The following GALNT13 variants were observed in gnomAD, a reference collection of about 807,000 sequenced individuals.
GALNT13 encodes the protein polypeptide N-acetylgalactosaminyltransferase 13.
Under a neutral mutation model 64.2 loss-of-function variants are expected in GALNT13, and 28 were observed. That is an observed-to-expected ratio of 0.44 (90% CI 0.32 to 0.60). The LOEUF is 0.60. Among genes scored for constraint, GALNT13 ranks in the 20% least tolerant of loss-of-function variants. The pLI, the probability that GALNT13 is intolerant of heterozygous loss-of-function variation, is 0.05. For synonymous variants in GALNT13, 214 were observed against 224.6 expected (o/e 0.95, Z 0.42); for missense variants, 577 against 669.8 (o/e 0.86, Z 1.53).
the GALNT13 span, among the ~76,000 whole-genome samples, chr2:153,597,426 C>T: frequency 6.6e-6 from 1 of 151,822 alleles, no homozygotes; most frequent in East Asian, 1.9e-4. Context: ...CAACTGGATA[C>T]CCACATGCAA....
the GALNT13 span, among the ~76,000 whole-genome samples, chr2:153,298,163 C>T: frequency 6.6e-6 from 1 of 152,152 alleles, no homozygotes; most frequent in South Asian, 2.1e-4. Context: ...CCTATCACTA[C>T]TATTATTTCT....
intron 3 of GALNT13, among the ~76,000 whole-genome samples, chr2:154,122,162 G>C (rs1030028003): frequency 6.6e-6 from 1 of 151,810 alleles, no homozygotes; most frequent in African/African-American, 2.4e-5. Context: ...TTCAAATGTT[G>C]AATCGGCCAT....
chr2:153,202,849 G>A, the GALNT13 span, among the ~76,000 whole-genome samples: 5 of 152,018 alleles, frequency 3.3e-5, no homozygotes, highest in African/African-American at 7.2e-5. Flanking sequence ...TTAAAAATAC[G>A]TGTTATTGAG....
the GALNT13 span, among the ~76,000 whole-genome samples, chr2:153,841,309 T>C: frequency 6.6e-6 from 1 of 152,190 alleles, no homozygotes; most frequent in South Asian, 2.1e-4. Flanking sequence ...ACTGAATCTA[T>C]TCCTTTATAA....
chr2:153,360,372 G>A, the GALNT13 span, among the ~76,000 whole-genome samples: 2 of 152,206 alleles, frequency 1.3e-5, no homozygotes, highest in South Asian at 4.1e-4. Flanking sequence ...CAGCCACTCA[G>A]CTGGAATCTG....
the GALNT13 span, among the ~76,000 whole-genome samples, chr2:153,501,125 G>A: frequency 1.3e-5 from 2 of 151,670 alleles, no homozygotes; most frequent in Admixed American, 1.3e-4. Flanking sequence ...ATATATTAAA[G>A]GTTTAAAACA....
intron 4 of GALNT13, among the ~76,000 whole-genome samples, chr2:154,230,993 T>C (rs991047524): frequency 6.6e-6 from 1 of 152,126 alleles, no homozygotes; most frequent in African/African-American, 2.4e-5. Flanking sequence ...TATTGCAAGA[T>C]TGTAGTGAAA....
At chr2:154,312,024 TA>T (rs1337746595) in intron 9 of GALNT13, among the ~76,000 whole-genome samples, 1 of 152,162 alleles carries the variant, frequency 6.6e-6, no homozygotes, top group African/African-American at 2.4e-5. Context: ...TTTGTGTAGT[TA>T]ACGCAATTAT....
intron 2 of GALNT13, among the ~76,000 whole-genome samples, chr2:153,936,701 C>A (rs1378842911): frequency 6.6e-6 from 1 of 151,932 alleles, no homozygotes; most frequent in African/African-American, 2.4e-5. Context: ...ATGAGCAGAA[C>A]AGGGAAGATA....
At chr2:153,582,276 C>T in the GALNT13 span, among the ~76,000 whole-genome samples, 4 of 152,028 alleles carry the variant, frequency 2.6e-5, no homozygotes, top group Admixed American at 6.6e-5. Flanking sequence ...ATTAATGTTC[C>T]GTATTGATGA....
At chr2:153,716,971 C>T in the GALNT13 span, among the ~76,000 whole-genome samples, 6 of 152,078 alleles carry the variant, frequency 3.9e-5, no homozygotes, top group African/African-American at 1.4e-4. Flanking sequence ...TGGCTCTAAA[C>T]AATGTTAGTT....
the GALNT13 span, among the ~76,000 whole-genome samples, chr2:153,167,856 G>T: frequency 6.6e-6 from 1 of 152,198 alleles, no homozygotes. Context: ...TGGTGTCCAG[G>T]AAAGGAACAA....
the GALNT13 span, among the ~76,000 whole-genome samples, chr2:153,076,534 G>C: frequency 3.9e-5 from 6 of 152,168 alleles, no homozygotes; most frequent in East Asian, 9.7e-4. Flanking sequence ...CAGTTGATAA[G>C]TTATTCACCC....
chr2:153,478,613 A>C, the GALNT13 span: 1 of 1,444,252 alleles, frequency 6.9e-7, no homozygotes, highest in South Asian at 1.4e-5. Context: ...GAGGGGTGGG[A>C]AGGCGGCGGC....
At chr2:153,663,829 A>G in the GALNT13 span, among the ~76,000 whole-genome samples, 2 of 152,180 alleles carry the variant, frequency 1.3e-5, no homozygotes. Flanking sequence ...CTTTCTGAAA[A>G]GAAAGTGTCA....
chr2:154,423,059 C>T lies in GALNT13; in HGVS notation c.1395+13977C>T, dbSNP rs141461763. Reference sequence around the variant, plus strand: ...GTATTTCTCCTAATGTTATCCCTCACCCCTCCCCCCACCCCACAACAGGCC... The same window carrying T: ...GTATTTCTCCTAATGTTATCCCTCATCCCTCCCCCCACCCCACAACAGGCC... On this transcript the variant is annotated intron_variant, in intron 11 of 12. Coordinates refer to ENST00000392825, the MANE Select transcript of GALNT13 (RefSeq NM_052917.4). 8.4e-3 allele frequency among the ~76,000 whole-genome samples: 940 copies of T among 112,276 alleles called. 16 individuals are homozygous for T. Among genetic ancestry groups the T allele is most frequent in the African/African-American group, 0.029 (868 of 29,634 alleles). The allele number at this position is 112,276 out of a possible 152,430, so 73.7% of individuals were successfully genotyped here.
the GALNT13 span, among the ~76,000 whole-genome samples, chr2:153,516,867 C>T: frequency 6.6e-6 from 1 of 152,036 alleles, no homozygotes; most frequent in Non-Finnish European, 1.5e-5. Flanking sequence ...CTTCCCACTT[C>T]TCTTTACACA....
chr2:154,075,574 T>G (rs1436124870), intron 3 of GALNT13, among the ~76,000 whole-genome samples: 6 of 151,858 alleles, frequency 4.0e-5, no homozygotes, highest in African/African-American at 1.4e-4. Context: ...AACATTTTGT[T>G]ATCGTAAATG....
At chr2:153,853,352 A>T in the GALNT13 span, among the ~76,000 whole-genome samples, 1 of 152,310 alleles carries the variant, frequency 6.6e-6, no homozygotes, top group South Asian at 2.1e-4. Context: ...TCCTTCAATC[A>T]GATCAAGTCA....
Sources: allele counts gnomAD v4.1 joint callset (sites outside exome capture counted in the v4.1 genomes callset), GRCh38; gene constraint gnomAD v4.1.1; transcripts MANE v1.5; gene names NCBI Gene and HGNC (gene_info 2026-07-23, HGNC 2026-07-21).